TBX15: variants seen among roughly 807,000 people sequenced by gnomAD.
The protein encoded by TBX15 is T-box transcription factor 15.
TBX15 carries 18 observed loss-of-function variants against 53.9 expected under a neutral mutation model. The ratio of observed to expected loss-of-function variants is 0.33; its 90% CI spans 0.23 to 0.49. The LOEUF is 0.49. TBX15 is among the 20% of genes least tolerant of loss of function. The probability of loss-of-function intolerance (pLI) is 0.98; values close to 1 mark genes in which losing one functional copy is unlikely to be tolerated. For missense variants in TBX15, 692 were observed against 749.5 expected (o/e 0.92, Z 0.90); for synonymous variants, 295 against 278.0 (o/e 1.06, Z -0.61).
At chr1:118,964,605 A>T (rs1347599253) in intron 1 of TBX15, among the ~76,000 whole-genome samples, 1 of 152,196 alleles carries the variant, frequency 6.6e-6, no homozygotes, top group Non-Finnish European at 1.5e-5. Context: ...TAGGGCAGGG[A>T]CTATTCCTTA....
intron 2 of TBX15, among the ~76,000 whole-genome samples, chr1:118,930,109 G>T (rs1655731501): frequency 6.6e-6 from 1 of 152,098 alleles, no homozygotes; most frequent in African/African-American, 2.4e-5. Context: ...AGAAAAGAAA[G>T]AAAATAAACA....
chr1:118,945,653 T>C (rs1015996872), intron 1 of TBX15, among the ~76,000 whole-genome samples: 3 of 152,220 alleles, frequency 2.0e-5, no homozygotes, highest in South Asian at 2.1e-4. Context: ...TTTAGGATCA[T>C]GGCATCTAAT....
intron 1 of TBX15, among the ~76,000 whole-genome samples, chr1:118,953,097 C>T (rs2101660080): frequency 6.6e-6 from 1 of 151,506 alleles, no homozygotes; most frequent in South Asian, 2.1e-4. Context: ...AAAAATACAC[C>T]TGTGGCCAAC....
rs561682338 is a variant in TBX15, at chr1:118,981,436, A to G, written c.205+6155T>C. Among the ~76,000 whole-genome samples the G allele has an allele frequency of 2.2e-4, 33 of 152,366 alleles. 1 individual carries two copies. The highest frequency in any genetic ancestry group is 7.7e-4 in the African/African-American group (32 of 41,584). On this transcript the variant is annotated intron_variant, in intron 1 of 7. Coordinates refer to ENST00000369429, the MANE Select transcript of TBX15 (RefSeq NM_001330677.2). ...TCTGGTGATATTATGGTGTTCACAC[A>G]TAAGTTTGTGTATAAGCACATACAT... is the stretch of plus-strand genomic sequence containing the variant.
chr1:118,919,294 C>A (rs1458552778), intron 5 of TBX15, among the ~76,000 whole-genome samples: 1 of 152,192 alleles, frequency 6.6e-6, no homozygotes, highest in Non-Finnish European at 1.5e-5. Flanking sequence ...ATGTTGGCAT[C>A]AGATTCTTCT....
At chr1:118,886,772 C>T (rs1209687815) in intron 7 of TBX15, among the ~76,000 whole-genome samples, 2 of 152,144 alleles carry the variant, frequency 1.3e-5, no homozygotes, top group Admixed American at 1.3e-4. Flanking sequence ...TGGGGTGGGG[C>T]CTAAGAATTT....
intron 7 of TBX15, among the ~76,000 whole-genome samples, chr1:118,888,137 T>C (rs1223640890): frequency 6.6e-6 from 1 of 152,188 alleles, no homozygotes; most frequent in African/African-American, 2.4e-5. Context: ...TAAATACCAC[T>C]GAGAGAAGGA....
intron 7 of TBX15, among the ~76,000 whole-genome samples, chr1:118,898,464 A>G (rs2101497797): frequency 6.6e-6 from 1 of 152,248 alleles, no homozygotes. Flanking sequence ...AAAAGCACAA[A>G]GTTCAAAGCA....
intron 6 of TBX15, among the ~76,000 whole-genome samples, chr1:118,910,951 A>G (rs1282250473): frequency 1.3e-5 from 2 of 152,236 alleles, no homozygotes; most frequent in African/African-American, 2.4e-5. Flanking sequence ...AGTTTGATTT[A>G]CTTGGAAAAG....
chr1:118,970,270 C>T (rs185643615), intron 1 of TBX15, among the ~76,000 whole-genome samples: 3 of 152,306 alleles, frequency 2.0e-5, no homozygotes, highest in Admixed American at 1.3e-4. Context: ...TTTGGCCCTC[C>T]ACACCTGTCT....
chr1:118,962,789 G>A (rs1034114701), intron 1 of TBX15, among the ~76,000 whole-genome samples: 2 of 152,144 alleles, frequency 1.3e-5, no homozygotes, highest in African/African-American at 4.8e-5. Context: ...TGGTGACAAT[G>A]ATGATCTTTG....
At chr1:118,936,887 G>T (rs770747331) in intron 1 of TBX15, among the ~76,000 whole-genome samples, 3 of 152,156 alleles carry the variant, frequency 2.0e-5, no homozygotes, top group Non-Finnish European at 4.4e-5. Flanking sequence ...AAATATTTCT[G>T]CTTTGCCTTG....
intron 1 of TBX15, among the ~76,000 whole-genome samples, chr1:118,940,718 T>C (rs1268316435): frequency 2.1e-5 from 2 of 95,984 alleles, no homozygotes; most frequent in South Asian, 3.0e-4. Context: ...ACCAAGCATA[T>C]CAGAAAAACA....
chr1:118,910,916 C>T (rs1655007920), intron 6 of TBX15, among the ~76,000 whole-genome samples: 1 of 152,132 alleles, frequency 6.6e-6, no homozygotes. Flanking sequence ...GGGGAGTAGA[C>T]TACGAAGACA....
intron 1 of TBX15, among the ~76,000 whole-genome samples, chr1:118,942,150 T>C (rs1656196859): frequency 6.6e-6 from 1 of 152,170 alleles, no homozygotes; most frequent in Non-Finnish European, 1.5e-5. Flanking sequence ...AATGAAGATA[T>C]GTCTGTGAGA....
chr1:118,916,939 T>G (rs369802823), intron 5 of TBX15, among the ~76,000 whole-genome samples: 1 of 152,010 alleles, frequency 6.6e-6, no homozygotes, highest in Admixed American at 6.6e-5. Context: ...GGCAAGGCTG[T>G]GAAGAAATAG....
chr1:118,981,535 A>G (rs1002466819), intron 1 of TBX15, among the ~76,000 whole-genome samples: 8 of 152,232 alleles, frequency 5.3e-5, no homozygotes, highest in Non-Finnish European at 7.3e-5. Flanking sequence ...TATAAAATGA[A>G]AAGTAGTCAT....
intron 6 of TBX15, among the ~76,000 whole-genome samples, chr1:118,899,594 G>C (rs539274267): frequency 6.6e-6 from 1 of 152,272 alleles, no homozygotes; most frequent in East Asian, 1.9e-4. Flanking sequence ...TCAAACTGCT[G>C]TGGTTTTAAA....
intron 1 of TBX15, among the ~76,000 whole-genome samples, chr1:118,935,049 C>T (rs1332449992): frequency 6.6e-6 from 1 of 152,116 alleles, no homozygotes; most frequent in African/African-American, 2.4e-5. Context: ...TATAGATGCT[C>T]TTTTTAAAAA....
Sources: allele counts gnomAD v4.1 joint callset (sites outside exome capture counted in the v4.1 genomes callset), GRCh38; gene constraint gnomAD v4.1.1; transcripts MANE v1.5; gene names NCBI Gene and HGNC (gene_info 2026-07-23, HGNC 2026-07-21).